Variants in KCNIP4 observed in about 807,000 individuals in gnomAD.
KCNIP4 encodes potassium voltage-gated channel interacting protein 4.
A neutral mutation model predicts 34.0 loss-of-function variants in KCNIP4; 12 were observed. That is an observed-to-expected ratio of 0.35 (90% CI 0.23 to 0.57). KCNIP4 has a LOEUF of 0.57. Among genes scored for constraint, KCNIP4 ranks in the 20% least tolerant of loss-of-function variants. The pLI is 0.83. For synonymous variants in KCNIP4, 124 were observed against 102.2 expected (o/e 1.21, Z -1.29); for missense variants, 238 against 311.7 (o/e 0.76, Z 1.78).
intron 1 of KCNIP4, among the ~76,000 whole-genome samples, chr4:21,065,327 G>T (rs1026445593): frequency 1.3e-5 from 2 of 152,044 alleles, no homozygotes; most frequent in Non-Finnish European, 2.9e-5. Flanking sequence ...CTGGGCTTAG[G>T]AAAGCAACAA....
chr4:21,842,182 A>C (rs529318401), intron 1 of KCNIP4, among the ~76,000 whole-genome samples: 1 of 152,184 alleles, frequency 6.6e-6, no homozygotes, highest in Non-Finnish European at 1.5e-5. Flanking sequence ...CAAAGTAATA[A>C]CCATAATATG....
chr4:21,293,679 T>C (rs1358867498), intron 1 of KCNIP4, among the ~76,000 whole-genome samples: 1 of 152,232 alleles, frequency 6.6e-6, no homozygotes, highest in Non-Finnish European at 1.5e-5. Flanking sequence ...AGACAAGATC[T>C]TTTAAGATTA....
At chr4:21,585,420 A>T (rs1297375207) in intron 1 of KCNIP4, among the ~76,000 whole-genome samples, 1 of 152,124 alleles carries the variant, frequency 6.6e-6, no homozygotes, top group Non-Finnish European at 1.5e-5. Flanking sequence ...AAAGTTTATC[A>T]TCAAGACTTA....
At chr4:21,576,416 C>A (rs921329807) in intron 1 of KCNIP4, among the ~76,000 whole-genome samples, 1 of 151,870 alleles carries the variant, frequency 6.6e-6, no homozygotes, top group Non-Finnish European at 1.5e-5. Context: ...CTGCTAATGC[C>A]GAAAAACACA....
intron 1 of KCNIP4, among the ~76,000 whole-genome samples, chr4:21,234,568 AAT>A (rs1316201807): frequency 1.5e-5 from 2 of 136,946 alleles, no homozygotes; most frequent in Non-Finnish European, 1.5e-5. Context: ...TAACGTATAT[AAT>A]ATATATTACA....
intron 1 of KCNIP4, among the ~76,000 whole-genome samples, chr4:21,240,325 G>A (rs1466290016): frequency 2.2e-5 from 3 of 137,874 alleles, no homozygotes; most frequent in Non-Finnish European, 4.5e-5. Flanking sequence ...GTATACATAT[G>A]TAACAAAACC....
At chr4:21,063,395 A>T (rs1210779521) in intron 1 of KCNIP4, among the ~76,000 whole-genome samples, 1 of 152,222 alleles carries the variant, frequency 6.6e-6, no homozygotes, top group African/African-American at 2.4e-5. Context: ...GGAGTAAGCT[A>T]TGTCAGTCCT....
intron 1 of KCNIP4, among the ~76,000 whole-genome samples, chr4:21,062,661 A>G (rs1342914138): frequency 1.3e-5 from 2 of 152,134 alleles, no homozygotes; most frequent in East Asian, 3.9e-4. Context: ...AGCTGGTGCT[A>G]TAGTTTTTGT....
chr4:21,821,623 T>G (rs1488904163), intron 1 of KCNIP4, among the ~76,000 whole-genome samples: 2 of 152,140 alleles, frequency 1.3e-5, no homozygotes, highest in Non-Finnish European at 2.9e-5. Context: ...AAACTCTTCA[T>G]TGCAGAGTGG....
intron 1 of KCNIP4, among the ~76,000 whole-genome samples, chr4:21,479,880 A>C (rs1731283172): frequency 1.3e-5 from 2 of 152,002 alleles, no homozygotes; most frequent in Non-Finnish European, 2.9e-5. Flanking sequence ...AATAACAAAA[A>C]TGAATAGTTT....
chr4:21,116,164 T>C (rs1429846290), intron 1 of KCNIP4, among the ~76,000 whole-genome samples: 1 of 152,182 alleles, frequency 6.6e-6, no homozygotes, highest in Non-Finnish European at 1.5e-5. Flanking sequence ...AAATAGCAAG[T>C]AAGATTTTTA....
chr4:21,083,707 T>C (rs6817687), intron 1 of KCNIP4, among the ~76,000 whole-genome samples: 32,509 of 151,894 alleles, frequency 0.21, 3,826 homozygotes, highest in African/African-American at 0.26. Flanking sequence ...TTGGCACCTT[T>C]AATTCTGGCT....
At chr4:21,416,017 A>G (rs1724926695) in intron 1 of KCNIP4, among the ~76,000 whole-genome samples, 1 of 152,216 alleles carries the variant, frequency 6.6e-6, no homozygotes, top group Non-Finnish European at 1.5e-5. Context: ...CACAGACAAC[A>G]CAGGATGACA....
chr4:21,637,513 T>C (rs1176340074), intron 1 of KCNIP4, among the ~76,000 whole-genome samples: 2 of 152,048 alleles, frequency 1.3e-5, no homozygotes, highest in Non-Finnish European at 2.9e-5. Context: ...GCGCGGTGGC[T>C]TATGTAAGCA....
At chr4:21,569,921 T>C (rs541795151) in intron 1 of KCNIP4, among the ~76,000 whole-genome samples, 1 of 152,096 alleles carries the variant, frequency 6.6e-6, no homozygotes, top group South Asian at 2.1e-4. Flanking sequence ...GCTGTTTTTT[T>C]ACACATCTCA....
chr4:21,918,693 T>A (rs961899975), intron 1 of KCNIP4, among the ~76,000 whole-genome samples: 1 of 152,120 alleles, frequency 6.6e-6, no homozygotes, highest in Non-Finnish European at 1.5e-5. Flanking sequence ...CTAATTTTCA[T>A]AGGGAGAGGC....
In KCNIP4 at chr4:20,792,903, T is replaced by C. The variant is rs188660821; in HGVS notation, c.289-34013A>G. On this transcript the variant is annotated intron_variant, in intron 3 of 8. Transcript: ENST00000382152. ...CACTTGAGCAGTACTATCCACCAACTTGAATGAAATAACCCAAATGTTGTT... is the reference window on the plus strand; with the variant it reads ...CACTTGAGCAGTACTATCCACCAACCTGAATGAAATAACCCAAATGTTGTT... 3.3e-5 allele frequency among the ~76,000 whole-genome samples: 5 copies of C among 152,280 alleles called. No individual in the cohort carries two copies. In the East Asian group the frequency reaches 7.7e-4, roughly 23 times the overall value.
In KCNIP4 at chr4:20,881,068, T is replaced by C. The variant is rs1386821669; in HGVS notation, c.163+1540A>G. Among the ~76,000 whole-genome samples the C allele has an allele frequency of 2.6e-5, 4 of 152,186 alleles. No homozygotes were observed. The East Asian group carries it at 7.7e-4, about 29-fold the overall frequency. ...CTTTCTTTGTTTTGTTTTGTTTTGG[T>C]TTGGTTTTTAATCTGTTTTAGTCAC... On this transcript the variant is annotated intron_variant, in intron 2 of 8. Transcript: ENST00000382152.
chr4:21,788,334 T>G (rs1720047080), intron 1 of KCNIP4, among the ~76,000 whole-genome samples: 1 of 152,208 alleles, frequency 6.6e-6, no homozygotes, highest in African/African-American at 2.4e-5. Flanking sequence ...AAGGATATAT[T>G]AACACATAGC....
Sources: gnomAD v4.1 joint callset for allele counts (sites outside exome capture counted in the v4.1 genomes callset) on GRCh38, gnomAD v4.1.1 for gene constraint, MANE v1.5 for transcripts, NCBI Gene and HGNC (gene_info 2026-07-23, HGNC 2026-07-21) for gene names.